Variants in SHC4 observed in about 807,000 individuals in gnomAD.
SHC4 encodes the protein SHC adaptor protein 4.
A neutral mutation model predicts 69.4 loss-of-function variants in SHC4; 41 were observed. The observed-to-expected ratio is 0.59, with a 90% CI of 0.46 to 0.77. The LOEUF (loss-of-function observed/expected upper bound fraction) is 0.77, where lower values mean the gene tolerates loss of function less well. Ranked by LOEUF, SHC4 falls within the 30% of genes least tolerant of loss-of-function variation. The pLI is 0.00. For synonymous variants in SHC4, 318 were observed against 299.3 expected (o/e 1.06, Z -0.64); for missense variants, 777 against 783.8 (o/e 0.99, Z 0.10).
intron 4 of SHC4, chr15:48,878,074 G>A: frequency 6.9e-7 from 1 of 1,440,176 alleles, no homozygotes; most frequent in Non-Finnish European, 9.3e-7. Context: ...GCCTGCGCGC[G>A]GGGTTACGCA....
At chr15:48,889,703 G>T (rs895006570) in intron 3 of SHC4, among the ~76,000 whole-genome samples, 14 of 152,180 alleles carry the variant, frequency 9.2e-5, no homozygotes, top group African/African-American at 3.4e-4. Flanking sequence ...AATTAGCCGG[G>T]TGTGGTGGCG....
chr15:48,900,305 C>T (rs1267811093), intron 2 of SHC4, among the ~76,000 whole-genome samples: 1 of 151,894 alleles, frequency 6.6e-6, no homozygotes, highest in African/African-American at 2.4e-5. Flanking sequence ...GTCAGGAGTT[C>T]AAGACCAGCC....
chr15:48,851,304 T>A, intron 8 of SHC4, 56 bp from the exon 9 acceptor site: 1 of 1,547,088 alleles, frequency 6.5e-7, no homozygotes, highest in Admixed American at 1.7e-5. Context: ...TTCATAAACT[T>A]AAAAGAAAAA....
At chr15:48,921,332 T>G (rs1401205719) in intron 2 of SHC4, among the ~76,000 whole-genome samples, 2 of 66,960 alleles carry the variant, frequency 3.0e-5, no homozygotes, top group East Asian at 3.2e-4. Flanking sequence ...GAAGTTATCG[T>G]TTTTTTTTTT....
chr15:48,909,088 G>T (rs1900461760), intron 2 of SHC4, among the ~76,000 whole-genome samples: 1 of 152,152 alleles, frequency 6.6e-6, no homozygotes, highest in Non-Finnish European at 1.5e-5. Context: ...TGTGAAGAAT[G>T]ATGGTGGTAT....
At chr15:48,916,276 C>T (rs1213355588) in intron 2 of SHC4, among the ~76,000 whole-genome samples, 1 of 888 alleles carries the variant, frequency 1.1e-3, no homozygotes, top group East Asian at 0.014. Context: ...TGGTTGCTCA[C>T]ACACACACAC....
chr15:48,918,538 T>C (rs1185265409), intron 2 of SHC4, among the ~76,000 whole-genome samples: 2 of 152,092 alleles, frequency 1.3e-5, no homozygotes, highest in East Asian at 3.8e-4. Context: ...TAGATGTTCT[T>C]ATTAAACATT....
At chr15:48,904,005 A>T (rs900146044) in intron 2 of SHC4, among the ~76,000 whole-genome samples, 12 of 152,164 alleles carry the variant, frequency 7.9e-5, no homozygotes, top group African/African-American at 2.9e-4. Context: ...TTTTCTCCTT[A>T]GAAATCACAA....
At position 48,876,520 on chromosome 15, in the gene SHC4, A is replaced by C. The variant is rs1341709351; in HGVS notation, c.841-4378T>G. The C allele has an allele frequency of 1.1e-5, 7 of 613,436 alleles. No homozygotes were observed. In the Admixed American group the frequency reaches 1.3e-4, roughly 11 times the overall value. The allele number at this position is 613,436 out of a possible 1,614,324, so 38.0% of individuals were successfully genotyped here. A position where few individuals can be genotyped will look rare whatever the true frequency, so the allele number is the denominator to read the frequency against. Reference sequence around the variant, plus strand: ...ACACATATATATGTATATATATGTAAAGGGGAGTTCACTAAGTATTAACTC... The same window carrying C: ...ACACATATATATGTATATATATGTACAGGGGAGTTCACTAAGTATTAACTC... On this transcript the variant is annotated intron_variant, in intron 4 of 11. Transcript: ENST00000332408.
intron 4 of SHC4, among the ~76,000 whole-genome samples, chr15:48,875,433 C>T (rs1899780185): frequency 6.6e-6 from 1 of 152,180 alleles, no homozygotes; most frequent in Admixed American, 6.5e-5. Context: ...TTGATCCTGC[C>T]TGCTTCTAAG....
At chr15:48,897,508 CCA>C (rs57034071) in intron 2 of SHC4, among the ~76,000 whole-genome samples, 37,056 of 142,180 alleles carry the variant, frequency 0.26, 4,303 homozygotes, top group East Asian at 0.53. Flanking sequence ...AGCAATGTCG[CCA>C]CACACACACA....
intron 1 of SHC4, chr15:48,946,515 CTTCTT>C (rs1257740961): frequency 2.2e-6 from 2 of 911,116 alleles, no homozygotes; most frequent in East Asian, 1.2e-4. Flanking sequence ...CCTCTTCCTC[CTTCTT>C]TTCTTAAGTG....
intron 9 of SHC4, among the ~76,000 whole-genome samples, chr15:48,850,391 A>T (rs936922485): frequency 5.9e-5 from 9 of 152,102 alleles, no homozygotes; most frequent in Admixed American, 2.6e-4. Context: ...CATTGGTGTA[A>T]TTCCATAAGA....
intron 2 of SHC4, among the ~76,000 whole-genome samples, chr15:48,899,004 T>C (rs1195558646): frequency 6.7e-6 from 1 of 148,940 alleles, no homozygotes; most frequent in Non-Finnish European, 1.5e-5. Context: ...AAGAGTGCAC[T>C]GATGCATAAT....
At chr15:48,871,839 A>C (rs1292906457) in intron 5 of SHC4, among the ~76,000 whole-genome samples, 1 of 152,218 alleles carries the variant, frequency 6.6e-6, no homozygotes, top group Admixed American at 6.5e-5. Context: ...CTAATAACAC[A>C]ATGGAGCACT....
intron 10 of SHC4, among the ~76,000 whole-genome samples, chr15:48,840,820 G>A (rs747601924): frequency 6.6e-5 from 10 of 152,040 alleles, no homozygotes; most frequent in South Asian, 2.1e-4. Context: ...GCCCAAGAGC[G>A]CTATGGTACA....
intron 2 of SHC4, among the ~76,000 whole-genome samples, chr15:48,895,708 G>A (rs1595748709): frequency 6.6e-6 from 1 of 152,294 alleles, no homozygotes; most frequent in East Asian, 1.9e-4. Flanking sequence ...AGGCTTTACA[G>A]AGCGCCCAAA....
chr15:48,881,239 G>C (rs1899939475), intron 4 of SHC4, among the ~76,000 whole-genome samples: 1 of 151,992 alleles, frequency 6.6e-6, no homozygotes, highest in Non-Finnish European at 1.5e-5. Context: ...AATTTTAAGA[G>C]ACCAACATCT....
At chr15:48,912,893 T>C (rs559313311) in intron 2 of SHC4, among the ~76,000 whole-genome samples, 1 of 152,112 alleles carries the variant, frequency 6.6e-6, no homozygotes, top group East Asian at 1.9e-4. Context: ...TCTACCTGGC[T>C]CTGGGCTGGT....
Sources: allele counts gnomAD v4.1 joint callset (sites outside exome capture counted in the v4.1 genomes callset), GRCh38; gene constraint gnomAD v4.1.1; transcripts MANE v1.5; gene names NCBI Gene and HGNC (gene_info 2026-07-23, HGNC 2026-07-21).